The following RSRC1 variants were observed in gnomAD, a reference collection of about 807,000 sequenced individuals.
RSRC1 encodes the protein arginine and serine rich coiled-coil 1.
RSRC1 carries 39 observed loss-of-function variants against 49.1 expected under a neutral mutation model. The ratio of observed to expected loss-of-function variants is 0.79; its 90% CI spans 0.61 to 1.04. The LOEUF (loss-of-function observed/expected upper bound fraction) is 1.04, where lower values mean the gene tolerates loss of function less well. Among genes scored for constraint, RSRC1 ranks in the 50% least tolerant of loss-of-function variants. The probability of loss-of-function intolerance (pLI) is 0.00; values close to 1 mark genes in which losing one functional copy is unlikely to be tolerated. For missense variants in RSRC1, 388 were observed against 402.4 expected (o/e 0.96, Z 0.31); for synonymous variants, 143 against 130.8 (o/e 1.09, Z -0.63).
intron 4 of RSRC1, among the ~76,000 whole-genome samples, chr3:158,221,080 A>G (rs1722200135): frequency 6.6e-6 from 1 of 151,610 alleles, no homozygotes; most frequent in Non-Finnish European, 1.5e-5. Context: ...TCCTCTGACT[A>G]TAATAGAGTC....
intron 5 of RSRC1, among the ~76,000 whole-genome samples, chr3:158,330,315 G>A (rs1323027655): frequency 1.8e-4 from 28 of 152,166 alleles, no homozygotes; most frequent in Admixed American, 1.6e-3. Flanking sequence ...CTTCTGCGTC[G>A]CTCACTCTGG....
At chr3:158,110,510 C>G (rs572450098) in intron 1 of RSRC1, 2 of 152,812 alleles carry the variant, frequency 1.3e-5, no homozygotes, top group African/African-American at 4.8e-5. Context: ...TCGCCGACTC[C>G]TCCCCTCGCC....
At chr3:158,522,963 C>A (rs544326646) in intron 7 of RSRC1, among the ~76,000 whole-genome samples, 1 of 152,054 alleles carries the variant, frequency 6.6e-6, no homozygotes, top group Non-Finnish European at 1.5e-5. Flanking sequence ...GTCATTTAGA[C>A]CATTATGTCC....
intron 6 of RSRC1, among the ~76,000 whole-genome samples, chr3:158,406,359 G>A (rs1184173494): frequency 6.6e-6 from 1 of 151,932 alleles, no homozygotes; most frequent in Non-Finnish European, 1.5e-5. Context: ...AGAAAAATTG[G>A]GAGTGTAACT....
At chr3:158,461,152 TC>T (rs1737590776) in intron 7 of RSRC1, 149 bp downstream of exon 7, 1 of 465,128 alleles carries the variant, frequency 2.1e-6, no homozygotes, top group Non-Finnish European at 3.9e-6. Flanking sequence ...ATATTCATTG[TC>T]TTGGACACTA....
At chr3:158,533,184 G>A (rs1465448335) in intron 7 of RSRC1, among the ~76,000 whole-genome samples, 2 of 151,732 alleles carry the variant, frequency 1.3e-5, no homozygotes, top group Non-Finnish European at 3.0e-5. Context: ...CTGAGGTACT[G>A]TAAAGCTGAA....
At chr3:158,194,052 T>TAC (rs1559936770) in intron 3 of RSRC1, among the ~76,000 whole-genome samples, 1 of 112,920 alleles carries the variant, frequency 8.9e-6, no homozygotes, top group African/African-American at 3.9e-5. Context: ...AGACCCCGTC[T>TAC]ATACACACAC....
At chr3:158,148,972 C>T (rs556285342) in intron 3 of RSRC1, among the ~76,000 whole-genome samples, 58 of 152,114 alleles carry the variant, frequency 3.8e-4, no homozygotes, top group African/African-American at 1.3e-3. Context: ...TTAATAGAGA[C>T]GGGGTTTCAC....
In RSRC1 at chr3:158,169,430, TGCTTCTG is replaced by T. The variant is rs956411276; in HGVS notation, c.321-33632_321-33626del. On this transcript the variant is annotated intron_variant, in intron 3 of 9. Transcript: ENST00000611884. ...TTATTCTTCCCACCCTGGAAGTGTT[TGCTTCTG>T]GCTTCTGGCCAGAAGCTATATCTCC... is the stretch of plus-strand genomic sequence containing the variant. Among the ~76,000 whole-genome samples the T allele has an allele frequency of 1.3e-3, 197 of 152,282 alleles. 1 individual carries two copies. The highest frequency in any genetic ancestry group is 2.0e-3 in the Non-Finnish European group (137 of 68,026).
intron 6 of RSRC1, among the ~76,000 whole-genome samples, chr3:158,392,439 C>T (rs1409387717): frequency 6.6e-6 from 1 of 152,030 alleles, no homozygotes; most frequent in African/African-American, 2.4e-5. Context: ...ATTATATGAG[C>T]TCCATATTCA....
chr3:158,493,310 A>G (rs1739165707), intron 7 of RSRC1, among the ~76,000 whole-genome samples: 1 of 152,118 alleles, frequency 6.6e-6, no homozygotes, highest in Non-Finnish European at 1.5e-5. Context: ...AGCAGTTTTA[A>G]TCAGGTCCTG....
chr3:158,279,117 T>G (rs1348167487), intron 4 of RSRC1, among the ~76,000 whole-genome samples: 1 of 152,224 alleles, frequency 6.6e-6, no homozygotes, highest in African/African-American at 2.4e-5. Context: ...ACACTGGTAT[T>G]AAAAATTAAA....
At chr3:158,488,908 CT>C (rs778187060) in intron 7 of RSRC1, among the ~76,000 whole-genome samples, 2 of 152,154 alleles carry the variant, frequency 1.3e-5, no homozygotes, top group Non-Finnish European at 2.9e-5. Flanking sequence ...AAGTGCTTCA[CT>C]TGGTGATAAG....
At chr3:158,498,243 T>TC (rs1457498060) in intron 7 of RSRC1, among the ~76,000 whole-genome samples, 1 of 152,144 alleles carries the variant, frequency 6.6e-6, no homozygotes, top group Non-Finnish European at 1.5e-5. Flanking sequence ...TTTTTTTTTT[T>TC]TTTTATGGCC....
chr3:158,172,052 AC>A (rs1718911367), intron 3 of RSRC1, among the ~76,000 whole-genome samples: 1 of 152,012 alleles, frequency 6.6e-6, no homozygotes, highest in African/African-American at 2.4e-5. Flanking sequence ...GTGAAGGAAA[AC>A]TCGGTAACAT....
Position 158,516,639 on chromosome 3 carries a change from C to T in RSRC1, c.653-20453C>T, listed in dbSNP as rs938910132. On this transcript the variant is annotated intron_variant, in intron 7 of 9. Coordinates refer to ENST00000611884, the MANE Select transcript of RSRC1 (RefSeq NM_001271838.2). The stretch of plus-strand genomic sequence containing the variant: ...TGGGCTCCACCCGGTTGGAGCTTCC[C>T]GGCTGCTTTGTTTACCTAAGCAAGC... 5.3e-4 allele frequency among the ~76,000 whole-genome samples: 80 copies of T among 152,304 alleles called. No homozygotes were observed. In the East Asian group the frequency reaches 6.6e-3, roughly 13 times the overall value.
chr3:158,207,670 G>GATAGATAGATAGAC (rs1559943262), intron 4 of RSRC1, among the ~76,000 whole-genome samples: 1 of 67,160 alleles, frequency 1.5e-5, no homozygotes, highest in African/African-American at 7.8e-5. Flanking sequence ...GATAGACAGA[G>GATAGATAGATAGAC]AGACAGACAG....
intron 6 of RSRC1, among the ~76,000 whole-genome samples, chr3:158,382,192 G>T (rs1026163932): frequency 4.6e-5 from 7 of 151,964 alleles, no homozygotes; most frequent in Admixed American, 4.6e-4. Flanking sequence ...TCCATATCTT[G>T]TCCCATTGGA....
chr3:158,307,378 G>T (rs573165949), intron 5 of RSRC1, among the ~76,000 whole-genome samples: 6 of 151,712 alleles, frequency 4.0e-5, no homozygotes. Context: ...AAAAATCTTC[G>T]AATGCTTAGC....
Sources: allele counts gnomAD v4.1 joint callset (sites outside exome capture counted in the v4.1 genomes callset), GRCh38; gene constraint gnomAD v4.1.1; transcripts MANE v1.5; gene names NCBI Gene and HGNC (gene_info 2026-07-23, HGNC 2026-07-21).